The following BRSK2 variants were observed in gnomAD, a reference collection of about 807,000 sequenced individuals.
The protein encoded by BRSK2 is BR serine/threonine kinase 2, also known as serine/threonine-protein kinase BRSK2.
Under a neutral mutation model 83.3 loss-of-function variants are expected in BRSK2, and 19 were observed. That is an observed-to-expected ratio of 0.23 (90% CI 0.16 to 0.33). The LOEUF is 0.33. BRSK2 is among the 10% of genes least tolerant of loss of function. BRSK2 has a pLI of 1.00. For missense variants in BRSK2, 798 were observed against 1,042.3 expected, an observed-to-expected ratio of 0.77 and a Z score of 3.23; for synonymous variants, 519 against 435.4, an observed-to-expected ratio of 1.19 and a Z score of -2.39.
chr11:1,453,171 T>C (rs1846014932), intron 15 of BRSK2, among the ~76,000 whole-genome samples: 1 of 152,346 alleles, frequency 6.6e-6, no homozygotes, highest in Admixed American at 6.5e-5. Flanking sequence ...CATCTAAAAA[T>C]AGCTTCATAG....
intron 18 of BRSK2, among the ~76,000 whole-genome samples, chr11:1,458,562 C>T (rs559438975): frequency 5.9e-4 from 90 of 152,324 alleles, no homozygotes; most frequent in Admixed American, 9.8e-4. Flanking sequence ...GCCCACCCCC[C>T]CAGAGACTGC....
chr11:1,419,660 C>T (rs1848457752), intron 1 of BRSK2, among the ~76,000 whole-genome samples: 2 of 152,326 alleles, frequency 1.3e-5, no homozygotes, highest in South Asian at 4.1e-4. Flanking sequence ...CCTGTAATCC[C>T]AGCACTTTGG....
intron 14 of BRSK2, among the ~76,000 whole-genome samples, chr11:1,451,142 G>A (rs1293409189): frequency 1.3e-5 from 2 of 152,242 alleles, no homozygotes; most frequent in African/African-American, 4.8e-5. Flanking sequence ...AGAAGGCACA[G>A]CCGACTTCAG....
At chr11:1,435,186 C>T (rs1458055848) in intron 1 of BRSK2, among the ~76,000 whole-genome samples, 1 of 146,056 alleles carries the variant, frequency 6.8e-6, no homozygotes, top group Non-Finnish European at 1.5e-5. Flanking sequence ...GGCCGGGGCT[C>T]AGGTGCAGAG....
chr11:1,424,381 G>A (rs1415245516), intron 1 of BRSK2, among the ~76,000 whole-genome samples: 1 of 152,224 alleles, frequency 6.6e-6, no homozygotes, highest in Non-Finnish European at 1.5e-5. Context: ...GACAGGGAGA[G>A]CCAGGTGGGG....
intron 15 of BRSK2, among the ~76,000 whole-genome samples, chr11:1,452,748 C>G (rs1845956951): frequency 6.6e-6 from 1 of 152,176 alleles, no homozygotes; most frequent in Non-Finnish European, 1.5e-5. Flanking sequence ...ACAGCCCCAC[C>G]CAAGGGCCCG....
At chr11:1,435,620 G>A (rs1850202616) in intron 1 of BRSK2, among the ~76,000 whole-genome samples, 1 of 148,626 alleles carries the variant, frequency 6.7e-6, no homozygotes, top group Non-Finnish European at 1.5e-5. Context: ...GCGGAGGGCT[G>A]CGGCTGAGGT....
intron 15 of BRSK2, among the ~76,000 whole-genome samples, chr11:1,452,221 T>A (rs996596593): frequency 3.3e-5 from 5 of 152,156 alleles, no homozygotes; most frequent in Non-Finnish European, 7.4e-5. Context: ...GGGGCCCCTG[T>A]GGAAACTGCT....
intron 15 of BRSK2, among the ~76,000 whole-genome samples, chr11:1,453,251 G>C (rs543759188): frequency 6.6e-6 from 1 of 152,364 alleles, no homozygotes; most frequent in South Asian, 2.1e-4. Context: ...CACAGTGCAG[G>C]CCCCTCACCC....
chr11:1,395,783 G>A (rs1391630990), intron 1 of BRSK2, among the ~76,000 whole-genome samples: 1 of 152,214 alleles, frequency 6.6e-6, no homozygotes, highest in African/African-American at 2.4e-5. Flanking sequence ...TTTCCTGGAT[G>A]TGGAAGCCTC....
chr11:1,443,007 C>A, intron 5 of BRSK2, 99 bp from the exon 6 acceptor site: 1 of 1,369,014 alleles, frequency 7.3e-7, no homozygotes, highest in South Asian at 1.4e-5. Context: ...CACCACAGCC[C>A]TGGAGGCCTC....
At chr11:1,399,719 C>T (rs940384023) in intron 1 of BRSK2, among the ~76,000 whole-genome samples, 5 of 152,140 alleles carry the variant, frequency 3.3e-5, no homozygotes, top group East Asian at 1.9e-4. Flanking sequence ...TGCCTTCTGC[C>T]GGGTGGACAT....
intron 1 of BRSK2, among the ~76,000 whole-genome samples, chr11:1,406,942 T>TGTGC (rs1452892786): frequency 1.3e-5 from 2 of 152,172 alleles, no homozygotes; most frequent in East Asian, 1.9e-4. Flanking sequence ...TGTGCAGGTG[T>TGTGC]GTGCGTGCGT....
chr11:1,447,826 A>G, intron 12 of BRSK2: 11 of 1,597,574 alleles, frequency 6.9e-6, no homozygotes, highest in Non-Finnish European at 9.3e-6. Flanking sequence ...AAGCCTGGAT[A>G]TCGCTGAGGC....
At chr11:1,407,509 G>C (rs1846972518) in intron 1 of BRSK2, among the ~76,000 whole-genome samples, 1 of 152,026 alleles carries the variant, frequency 6.6e-6, no homozygotes, top group African/African-American at 2.4e-5. Context: ...CAAGGAAATT[G>C]CTGACCCCCA....
chr11:1,446,082 G>A (rs1852037052), intron 12 of BRSK2, among the ~76,000 whole-genome samples, 175 bp downstream of exon 12: 7 of 144,260 alleles, frequency 4.9e-5, no homozygotes, highest in African/African-American at 1.7e-4. Context: ...GCTGGGCTGG[G>A]CTGGGCTTAG....
Position 1,460,481 on chromosome 11 carries a change from C to CTTTTTTTTTTTTTTTTTTTTTTTT in BRSK2, c.1988-18_1988-17insTTTTTTTTTTTTTTTTTTTTTTTT. 1 of 809,158 alleles carries CTTTTTTTTTTTTTTTTTTTTTTTT rather than the reference C, an allele frequency of 1.2e-6. No individual in the cohort carries two copies. Among genetic ancestry groups the CTTTTTTTTTTTTTTTTTTTTTTTT allele is most frequent in the Non-Finnish European group, 1.5e-6 (1 of 648,146 alleles). The allele number at this position is 809,158 out of a possible 1,614,324, so 50.1% of individuals were successfully genotyped here. A position where few individuals can be genotyped will look rare whatever the true frequency, so the allele number is the denominator to read the frequency against. ...TTTTCCTTTTTTTTTTTTTTTTTGTCTCTGTTCTGTGTACCCAGGCAGCCC... is the reference window on the plus strand; with the variant it reads ...TTTTCCTTTTTTTTTTTTTTTTTGTCTTTTTTTTTTTTTTTTTTTTTTTTTCTGTTCTGTGTACCCAGGCAGCCC... On this transcript the variant is annotated intron_variant, in intron 19 of 19. Transcript: ENST00000528841.
intron 1 of BRSK2, chr11:1,410,842 G>A (rs901914319): frequency 4.8e-5 from 47 of 985,392 alleles, no homozygotes; most frequent in Non-Finnish European, 4.2e-5. Flanking sequence ...AGACCACTGT[G>A]GCCTGAGGAG....
chr11:1,447,669 T>C, intron 12 of BRSK2: 1 of 834,910 alleles, frequency 1.2e-6, no homozygotes, highest in Non-Finnish European at 1.9e-6. Context: ...GCCTCCTCTC[T>C]CGCCATCTTT....
Sources: gnomAD v4.1 joint callset for allele counts (sites outside exome capture counted in the v4.1 genomes callset) on GRCh38, gnomAD v4.1.1 for gene constraint, MANE v1.5 for transcripts, NCBI Gene and HGNC (gene_info 2026-07-23, HGNC 2026-07-21) for gene names.